The following SGCD variants were observed in gnomAD, a reference collection of about 807,000 sequenced individuals.
The protein encoded by SGCD is delta-sarcoglycan.
In SGCD, 18 loss-of-function variants were observed where a neutral mutation model predicts 36.6. That is an observed-to-expected ratio of 0.49 (90% CI 0.34 to 0.73). The LOEUF (loss-of-function observed/expected upper bound fraction) is 0.73. Among genes scored for constraint, SGCD ranks in the 30% least tolerant of loss-of-function variants. The pLI is 0.01. For missense variants in SGCD, 387 were observed against 346.7 expected, an observed-to-expected ratio of 1.12 and a Z score of -0.92; for synonymous variants, 133 against 130.6, an observed-to-expected ratio of 1.02 and a Z score of -0.12.
At chr5:155,836,470 A>AACC in the SGCD span, among the ~76,000 whole-genome samples, 2 of 87,476 alleles carry the variant, frequency 2.3e-5, no homozygotes, top group African/African-American at 1.0e-4. Context: ...TCTGATACCC[A>AACC]CCCCCGCCCC....
chr5:156,557,244 T>C (rs1013634136), intron 4 of SGCD, among the ~76,000 whole-genome samples: 4 of 152,174 alleles, frequency 2.6e-5, no homozygotes, highest in African/African-American at 7.2e-5. Flanking sequence ...GAAGACTCCA[T>C]AGCAACACCA....
rs546932323 is a variant in SGCD at position 156,024,350 on chromosome 5, C to T, written c.-281-93528C>T. ...AAGATGCACTCAATAAATGCTTGCC[C>T]TATGAAATGTTGAAGGAAGAGACAA... On this transcript the variant is annotated intron_variant, in intron 1 of 9. Coordinates refer to the SGCD transcript ENST00000517913. Among the ~76,000 whole-genome samples the T allele has an allele frequency of 2.6e-5, 4 of 151,346 alleles. No individual in the cohort carries two copies. The South Asian group carries it at 8.4e-4, about 32-fold the overall frequency.
At chr5:156,388,802 A>G (rs557292659) in intron 3 of SGCD, among the ~76,000 whole-genome samples, 4 of 152,378 alleles carry the variant, frequency 2.6e-5, no homozygotes, top group African/African-American at 9.6e-5. Flanking sequence ...ATAGCAATCC[A>G]TTAGTATTTT....
At chr5:156,200,662 T>C (rs1403314214) in intron 3 of SGCD, among the ~76,000 whole-genome samples, 1 of 152,180 alleles carries the variant, frequency 6.6e-6, no homozygotes. Flanking sequence ...GAACCCATTA[T>C]GCAAACTAGT....
chr5:155,964,706 AAGAGTACACAG>A (rs1331140463), intron 1 of SGCD, among the ~76,000 whole-genome samples: 3 of 152,086 alleles, frequency 2.0e-5, no homozygotes, highest in Non-Finnish European at 4.4e-5. Flanking sequence ...AAGGAGGACT[AAGAGTACACAG>A]AGAATCCATG....
At chr5:156,691,353 A>G (rs1754104794) in intron 7 of SGCD, among the ~76,000 whole-genome samples, 1 of 152,110 alleles carries the variant, frequency 6.6e-6, no homozygotes, top group Non-Finnish European at 1.5e-5. Flanking sequence ...ATAGTGCGAG[A>G]CTCAATAGCT....
At chr5:156,119,317 A>G (rs182624077) in intron 2 of SGCD, among the ~76,000 whole-genome samples, 18 of 152,274 alleles carry the variant, frequency 1.2e-4, no homozygotes, top group African/African-American at 2.4e-4. Flanking sequence ...CTGAATGTCA[A>G]TATGCTCCAG....
intron 3 of SGCD, among the ~76,000 whole-genome samples, chr5:156,271,945 T>C (rs1766192779): frequency 6.6e-6 from 1 of 152,210 alleles, no homozygotes; most frequent in Admixed American, 6.5e-5. Context: ...AAAAATCCAA[T>C]GTAAAAAGTT....
intron 3 of SGCD, among the ~76,000 whole-genome samples, chr5:156,475,690 C>T (rs1021738812): frequency 6.6e-6 from 1 of 152,136 alleles, no homozygotes; most frequent in African/African-American, 2.4e-5. Context: ...CCCAGACAAA[C>T]CAACAGCTGC....
chr5:155,875,571 C>T (rs987039379), intron 1 of SGCD, among the ~76,000 whole-genome samples: 1 of 151,632 alleles, frequency 6.6e-6, no homozygotes, highest in Admixed American at 6.6e-5. Flanking sequence ...CGGCCTTGCA[C>T]GAAGCTGTGA....
At chr5:156,756,408 C>T (rs558740924) in intron 7 of SGCD, among the ~76,000 whole-genome samples, 1 of 152,170 alleles carries the variant, frequency 6.6e-6, no homozygotes, top group African/African-American at 2.4e-5. Flanking sequence ...ATTAGCTGCC[C>T]GTGGTGGCAC....
chr5:155,978,177 A>G (rs573815071), intron 1 of SGCD, among the ~76,000 whole-genome samples: 1 of 152,346 alleles, frequency 6.6e-6, no homozygotes, highest in East Asian at 1.9e-4. Flanking sequence ...GGCATAGCCC[A>G]TGTGTATTTG....
chr5:156,511,302 G>A (rs937516911), intron 4 of SGCD, among the ~76,000 whole-genome samples: 1 of 152,122 alleles, frequency 6.6e-6, no homozygotes, highest in Non-Finnish European at 1.5e-5. Flanking sequence ...TGAAACCTGT[G>A]CCCAAATTCA....
chr5:156,638,787 T>C (rs528231179), intron 6 of SGCD, among the ~76,000 whole-genome samples: 2 of 152,318 alleles, frequency 1.3e-5, no homozygotes, highest in East Asian at 3.9e-4. Flanking sequence ...TTTGCTTAAT[T>C]AAACTACTTG....
intron 2 of SGCD, among the ~76,000 whole-genome samples, chr5:156,340,114 T>C (rs1768568265): frequency 6.6e-6 from 1 of 152,248 alleles, no homozygotes; most frequent in Non-Finnish European, 1.5e-5. Context: ...GTTAATTATA[T>C]TTTCCACAAT....
chr5:155,890,220 A>T (rs1756093003), intron 1 of SGCD, among the ~76,000 whole-genome samples: 1 of 152,230 alleles, frequency 6.6e-6, no homozygotes, highest in Non-Finnish European at 1.5e-5. Flanking sequence ...GCAGACAAAC[A>T]TCTAACACAA....
chr5:156,138,053 G>T lies in SGCD; in HGVS notation c.-44+14034G>T, dbSNP rs114154914. 9.6e-3 allele frequency among the ~76,000 whole-genome samples: 1,456 copies of T among 152,214 alleles called. 11 individuals are homozygous for T. Among genetic ancestry groups the T allele is most frequent in the Middle Eastern group, 0.044 (13 of 294 alleles). ...TTTCTCTCACCATGAAGTTCATTCA[G>T]TCGTGATATTTTCCTCTCCCACTGA... On this transcript the variant is annotated intron_variant, in intron 3 of 9. Transcript: ENST00000517913.
chr5:156,239,702 C>T (rs1174088570), intron 3 of SGCD, among the ~76,000 whole-genome samples: 1 of 152,152 alleles, frequency 6.6e-6, no homozygotes, highest in Non-Finnish European at 1.5e-5. Flanking sequence ...GAGTTTATCA[C>T]CTATTTACCA....
chr5:156,143,151 C>T (rs1762616436), intron 3 of SGCD, among the ~76,000 whole-genome samples: 1 of 152,214 alleles, frequency 6.6e-6, no homozygotes, highest in Non-Finnish European at 1.5e-5. Context: ...TTGGCTCTAG[C>T]CAGGTACAAC....
Sources: gnomAD v4.1 joint callset for allele counts (sites outside exome capture counted in the v4.1 genomes callset) on GRCh38, gnomAD v4.1.1 for gene constraint, MANE v1.5 for transcripts, NCBI Gene and HGNC (gene_info 2026-07-23, HGNC 2026-07-21) for gene names.